The following DAAM2 variants were observed in gnomAD, a reference collection of about 807,000 sequenced individuals.
DAAM2 encodes the protein dishevelled associated activator of morphogenesis 2.
DAAM2 carries 39 observed loss-of-function variants against 120.7 expected under a neutral mutation model. The observed-to-expected ratio is 0.32, with a 90% CI of 0.25 to 0.42. The LOEUF is 0.42. Among genes scored for constraint, DAAM2 ranks in the 10% least tolerant of loss-of-function variants. The probability of loss-of-function intolerance (pLI) is 1.00; values close to 1 mark genes in which losing one functional copy is unlikely to be tolerated. For missense variants in DAAM2, 1,283 were observed against 1,401.7 expected (o/e 0.92, Z 1.35); for synonymous variants, 488 against 524.9 (o/e 0.93, Z 0.96).
chr6:39,868,702 T>C, intron 6 of DAAM2, 121 bp from the exon 7 acceptor site: 3 of 704,460 alleles, frequency 4.3e-6, no homozygotes, highest in South Asian at 3.6e-5. Context: ...ACAGACCTGA[T>C]TGGGTGGAGA....
chr6:39,860,964 A>C lies in DAAM2; in HGVS notation c.205A>C (p.Met69Leu), dbSNP rs1224075166. ...TCTCACTGACAAAAACCGAGAGGCT[A>C]TGTTTGCACTGCCCCCTGAGAAGAA... The part of the protein sequence containing the change: ...LDLTDKNREA[M>L]FALPPEKKWQ... Residue 69 changes from methionine (M) to leucine (L), a missense_variant, in exon 3 of 25, where the codon ATG (methionine) becomes CTG (leucine). This residue lies in a region of DAAM2 where 197 missense variants were observed against 189.3 expected (regional missense o/e 1.04). Transcript: ENST00000274867. 2 of 1,613,272 alleles carry C rather than the reference A, an allele frequency of 1.2e-6. No individual in the cohort carries two copies. Among genetic ancestry groups the C allele is most frequent in the Non-Finnish European group, 1.7e-6 (2 of 1,179,722 alleles).
intron 1 of DAAM2, among the ~76,000 whole-genome samples, chr6:39,823,993 G>T (rs374416769): frequency 2.0e-5 from 3 of 152,094 alleles, no homozygotes; most frequent in African/African-American, 7.2e-5. Flanking sequence ...TGGGCCCTGG[G>T]TGGTCATTCT....
At chr6:39,819,586 A>C (rs1415927614) in intron 1 of DAAM2, 1 of 152,248 alleles carries the variant, frequency 6.6e-6, no homozygotes, top group Admixed American at 6.5e-5. Context: ...AAAGTGAAAA[A>C]AAGATGCTCA....
At chr6:39,856,794 C>A (rs912656591) in intron 2 of DAAM2, among the ~76,000 whole-genome samples, 1 of 152,208 alleles carries the variant, frequency 6.6e-6, no homozygotes, top group African/African-American at 2.4e-5. Context: ...TCTCAAAGAA[C>A]ATCAGAACAT....
At chr6:39,863,789 C>G (rs1373012039) in intron 3 of DAAM2, among the ~76,000 whole-genome samples, 1 of 152,218 alleles carries the variant, frequency 6.6e-6, no homozygotes, top group Non-Finnish European at 1.5e-5. Flanking sequence ...CGGATCTGGG[C>G]TCTGCCTCCC....
Position 39,871,230 on chromosome 6 carries a change from T to C in DAAM2, c.978-276T>C, listed in dbSNP as rs79251757. 4.3e-3 allele frequency among the ~76,000 whole-genome samples: 655 copies of C among 152,188 alleles called. 5 individuals carry two copies. Among genetic ancestry groups the C allele is most frequent in the African/African-American group, 0.015 (625 of 41,516 alleles). Reference sequence around the variant, plus strand: ...CAGATCAGCCTCCCACAACCAAAGATAAGCGAGCCCAAAATGTCAGTAGTG... The same window carrying C: ...CAGATCAGCCTCCCACAACCAAAGACAAGCGAGCCCAAAATGTCAGTAGTG... On this transcript the variant is annotated intron_variant, in intron 8 of 24. Transcript: ENST00000274867.
At chr6:39,885,690 C>T (rs553959386) in intron 15 of DAAM2, 1 of 152,390 alleles carries the variant, frequency 6.6e-6, no homozygotes, top group South Asian at 2.1e-4. Context: ...AGTGGGCCGT[C>T]TAGTCTCTGG....
chr6:39,800,064 T>C (rs1017582434), intron 1 of DAAM2, among the ~76,000 whole-genome samples: 1 of 152,230 alleles, frequency 6.6e-6, no homozygotes, highest in East Asian at 1.9e-4. Flanking sequence ...TCTTTATGCC[T>C]AGACTTACAC....
rs1442057873 is a variant in DAAM2 at position 39,846,150 on chromosome 6, G to A, written c.-56-10097G>A. On this transcript the variant is annotated intron_variant, in intron 1 of 24. Transcript: ENST00000274867. ...AGACAAAGGACAAAAGGGACTCTGA[G>A]CTTGGGAGACTATAGCTCTGTAAGG... 3.3e-5 allele frequency among the ~76,000 whole-genome samples: 5 copies of A among 152,282 alleles called. 1 individual carries two copies. The East Asian group carries it at 9.7e-4, about 29-fold the overall frequency.
At chr6:39,830,673 G>T (rs1182551261) in intron 1 of DAAM2, among the ~76,000 whole-genome samples, 2 of 152,148 alleles carry the variant, frequency 1.3e-5, no homozygotes, top group African/African-American at 4.8e-5. Context: ...GCCTGCGGAG[G>T]TTCCCACCAC....
intron 1 of DAAM2, among the ~76,000 whole-genome samples, chr6:39,818,473 T>G (rs1231858557): frequency 1.3e-5 from 2 of 152,202 alleles, no homozygotes; most frequent in African/African-American, 4.8e-5. Context: ...TATTTTGACG[T>G]TAATGCATTC....
intron 17 of DAAM2, among the ~76,000 whole-genome samples, chr6:39,889,916 T>G (rs1765601620): frequency 6.6e-6 from 1 of 152,030 alleles, no homozygotes; most frequent in Admixed American, 6.6e-5. Flanking sequence ...TTACTTGAGG[T>G]CAGGAGTTCA....
At position 39,867,615 on chromosome 6, in the gene DAAM2, T is replaced by A; in HGVS notation, c.534T>A (p.Ile178=). The A allele has an allele frequency of 6.2e-7, 1 of 1,613,996 alleles. No homozygotes were observed. The highest frequency in any genetic ancestry group is 8.5e-7 in the Non-Finnish European group (1 of 1,179,894). The change falls in exon 6 of 25, where the codon ATT becomes ATA. Residue 178 remains isoleucine, a synonymous_variant. Coordinates refer to ENST00000274867, the MANE Select transcript of DAAM2 (RefSeq NM_001201427.2). Reference sequence around the variant, plus strand: ...AGAGCCGCATCCACACCTCACTCATTGGCTGCATCAAAGCATTGATGAACA... The same window carrying A: ...AGAGCCGCATCCACACCTCACTCATAGGCTGCATCAAAGCATTGATGAACA... ...TCESRIHTSL[I]GCIKALMNNS...
intron 11 of DAAM2, among the ~76,000 whole-genome samples, chr6:39,876,810 C>T (rs11969204): frequency 0.012 from 1,754 of 152,184 alleles, 19 homozygotes; most frequent in East Asian, 0.047. Flanking sequence ...TACCCTGTAA[C>T]CCCTTCTATC....
chr6:39,870,616 C>T (rs1342565080), intron 8 of DAAM2, among the ~76,000 whole-genome samples, 173 bp downstream of exon 8: 3 of 152,216 alleles, frequency 2.0e-5, no homozygotes, highest in African/African-American at 7.2e-5. Context: ...GTCCTCTTTG[C>T]TGACCTGCTT....
At chr6:39,812,252 T>C (rs555994034) in intron 1 of DAAM2, among the ~76,000 whole-genome samples, 1 of 152,300 alleles carries the variant, frequency 6.6e-6, no homozygotes, top group South Asian at 2.1e-4. Context: ...CTCTAAATAA[T>C]ACCTACCATG....
intron 4 of DAAM2, 47 bp downstream of exon 4, chr6:39,864,554 C>A (rs750218560): frequency 8.0e-6 from 12 of 1,497,388 alleles, no homozygotes; most frequent in East Asian, 2.4e-5. Flanking sequence ...GGAAAGGCTA[C>A]GGCAGGGAGT....
At chr6:39,859,546 G>A (rs1482464370) in intron 2 of DAAM2, among the ~76,000 whole-genome samples, 3 of 152,124 alleles carry the variant, frequency 2.0e-5, no homozygotes, top group Non-Finnish European at 2.9e-5. Flanking sequence ...GCAGTCCCTG[G>A]CCACGTGGGA....
intron 1 of DAAM2, among the ~76,000 whole-genome samples, chr6:39,795,762 A>G (rs747051703): frequency 2.0e-5 from 3 of 152,192 alleles, no homozygotes; most frequent in Admixed American, 6.5e-5. Flanking sequence ...AAGGTGACCA[A>G]TGAAGATATT....
Sources: gnomAD v4.1 joint callset for allele counts (sites outside exome capture counted in the v4.1 genomes callset) on GRCh38, gnomAD v4.1.1 for gene constraint, gnomAD v4.1.1 regional missense constraint, MANE v1.5 for transcripts, NCBI Gene and HGNC (gene_info 2026-07-23, HGNC 2026-07-21) for gene names.